The following WDR70 variants were observed in gnomAD, a reference collection of about 807,000 sequenced individuals.
WDR70 encodes the protein WD repeat domain 70.
WDR70 carries 53 observed loss-of-function variants against 88.6 expected under a neutral mutation model. The ratio of observed to expected loss-of-function variants is 0.60; its 90% CI spans 0.48 to 0.75. The LOEUF is 0.75. Ranked by LOEUF, WDR70 falls within the 30% of genes least tolerant of loss-of-function variation. WDR70 has a pLI of 0.00. For missense variants in WDR70, 610 were observed against 823.2 expected, an observed-to-expected ratio of 0.74 and a Z score of 3.17; for synonymous variants, 280 against 270.0, an observed-to-expected ratio of 1.04 and a Z score of -0.36.
chr5:37,490,263 A>G (rs1163724207), intron 8 of WDR70, among the ~76,000 whole-genome samples: 1 of 152,120 alleles, frequency 6.6e-6, no homozygotes, highest in African/African-American at 2.4e-5. Flanking sequence ...AGGGTGATCA[A>G]CATGTCCTGG....
At chr5:37,645,110 T>C (rs1016834966) in intron 10 of WDR70, among the ~76,000 whole-genome samples, 2 of 151,976 alleles carry the variant, frequency 1.3e-5, no homozygotes, top group African/African-American at 4.8e-5. Flanking sequence ...TAAGTGCTTA[T>C]AGCTATAAAC....
At chr5:37,429,686 G>A (rs1232045150) in intron 5 of WDR70, among the ~76,000 whole-genome samples, 3 of 152,094 alleles carry the variant, frequency 2.0e-5, no homozygotes, top group Admixed American at 2.0e-4. Context: ...TCATTGATAT[G>A]CATGGCCATT....
At chr5:37,562,821 A>G (rs1473308838) in intron 9 of WDR70, among the ~76,000 whole-genome samples, 1 of 151,986 alleles carries the variant, frequency 6.6e-6, no homozygotes, top group East Asian at 1.9e-4. Flanking sequence ...GTACAGAACA[A>G]AATGAAAAGT....
intron 10 of WDR70, among the ~76,000 whole-genome samples, chr5:37,647,106 AGCTC>A (rs1745262149): frequency 6.6e-6 from 1 of 152,084 alleles, no homozygotes; most frequent in Non-Finnish European, 1.5e-5. Context: ...CCTGTCTTCA[AGCTC>A]ACTAATTCTT....
chr5:37,436,066 G>A (rs1399620501), intron 5 of WDR70, among the ~76,000 whole-genome samples: 1 of 152,072 alleles, frequency 6.6e-6, no homozygotes, highest in Non-Finnish European at 1.5e-5. Context: ...ATGCATAAGA[G>A]GGTCATTTAA....
At chr5:37,615,056 T>C (rs1365716958) in intron 10 of WDR70, among the ~76,000 whole-genome samples, 5 of 151,820 alleles carry the variant, frequency 3.3e-5, no homozygotes, top group African/African-American at 7.3e-5. Flanking sequence ...AAAATAAATA[T>C]GTGATTGAGG....
At chr5:37,711,441 A>AT (rs1171859998) in intron 13 of WDR70, among the ~76,000 whole-genome samples, 5 of 152,072 alleles carry the variant, frequency 3.3e-5, no homozygotes, top group Non-Finnish European at 7.4e-5. Context: ...CCGTCAGATC[A>AT]TTTTTTTCTT....
intron 7 of WDR70, among the ~76,000 whole-genome samples, chr5:37,467,586 G>A (rs1445563519): frequency 6.6e-6 from 1 of 150,830 alleles, no homozygotes; most frequent in Non-Finnish European, 1.5e-5. Context: ...ACCCAGGCTG[G>A]AGTGCAGTGG....
intron 7 of WDR70, among the ~76,000 whole-genome samples, chr5:37,467,048 C>T (rs1275335529): frequency 6.6e-6 from 1 of 151,910 alleles, no homozygotes; most frequent in South Asian, 2.1e-4. Context: ...CTAGCCTGGG[C>T]AGCATGGCAA....
At chr5:37,535,618 A>G (rs1318329431) in intron 9 of WDR70, among the ~76,000 whole-genome samples, 1 of 152,236 alleles carries the variant, frequency 6.6e-6, no homozygotes, top group East Asian at 1.9e-4. Flanking sequence ...AAGTCAATAG[A>G]AATGGTCTCT....
chr5:37,551,772 T>G (rs1419257810), intron 9 of WDR70, among the ~76,000 whole-genome samples: 77 of 139,866 alleles, frequency 5.5e-4, no homozygotes, highest in South Asian at 4.8e-3. Context: ...TGTTTAGTTT[T>G]TTTTTTTTTT....
intron 8 of WDR70, among the ~76,000 whole-genome samples, chr5:37,501,102 A>AT (rs1010315036): frequency 1.3e-3 from 198 of 148,434 alleles, no homozygotes; most frequent in Middle Eastern, 7.0e-3. Context: ...TTTTGATGGG[A>AT]TTTTTTTTTT....
At chr5:37,589,248 A>G (rs889523057) in intron 9 of WDR70, among the ~76,000 whole-genome samples, 6 of 114,018 alleles carry the variant, frequency 5.3e-5, no homozygotes, top group African/African-American at 1.2e-4. Flanking sequence ...ACCTACACAC[A>G]TACACACACA....
At chr5:37,747,070 A>G (rs1748656626) in intron 17 of WDR70, among the ~76,000 whole-genome samples, 1 of 152,174 alleles carries the variant, frequency 6.6e-6, no homozygotes, top group East Asian at 1.9e-4. Context: ...AACTTAATCC[A>G]TGTCATCAAG....
At chr5:37,653,448 C>T (rs899951265) in intron 10 of WDR70, among the ~76,000 whole-genome samples, 2 of 152,114 alleles carry the variant, frequency 1.3e-5, no homozygotes, top group African/African-American at 4.8e-5. Flanking sequence ...ATGGTGCTGG[C>T]CTCATAAAAT....
At chr5:37,608,303 G>C (rs1295245575) in intron 10 of WDR70, among the ~76,000 whole-genome samples, 3 of 152,112 alleles carry the variant, frequency 2.0e-5, no homozygotes, top group African/African-American at 7.2e-5. Context: ...GCCTCCCAAA[G>C]TGCTAGGATT....
chr5:37,625,170 A>G (rs1032969088), intron 10 of WDR70, among the ~76,000 whole-genome samples: 12 of 152,074 alleles, frequency 7.9e-5, no homozygotes, highest in Non-Finnish European at 1.5e-4. Flanking sequence ...ATTTTGGGAT[A>G]TTGTTTTCTG....
intron 10 of WDR70, among the ~76,000 whole-genome samples, chr5:37,695,576 G>C (rs1338876863): frequency 1.3e-5 from 2 of 152,166 alleles, no homozygotes; most frequent in African/African-American, 4.8e-5. Context: ...GCAGGACTCA[G>C]ATCCCTGTTT....
intron 10 of WDR70, among the ~76,000 whole-genome samples, chr5:37,662,913 A>T (rs886807923): frequency 1.3e-5 from 2 of 152,206 alleles, no homozygotes; most frequent in Non-Finnish European, 2.9e-5. Context: ...ACAAGGAAAA[A>T]GTGTTATTAA....
Sources: gnomAD v4.1 joint callset for allele counts (sites outside exome capture counted in the v4.1 genomes callset) on GRCh38, gnomAD v4.1.1 for gene constraint, MANE v1.5 for transcripts, NCBI Gene and HGNC (gene_info 2026-07-23, HGNC 2026-07-21) for gene names.